Variants in UBTD1 observed in about 807,000 individuals in gnomAD.
UBTD1 encodes the protein ubiquitin domain containing 1, also known as ubiquitin domain-containing protein 1.
UBTD1 carries 19 observed loss-of-function variants against 21.7 expected under a neutral mutation model. The observed-to-expected ratio is 0.87, with a 90% CI of 0.61 to 1.28. The LOEUF is 1.28. Among genes scored for constraint, UBTD1 ranks in the 50% most tolerant of loss-of-function variants. The probability of loss-of-function intolerance (pLI) is 0.00; values close to 1 mark genes in which losing one functional copy is unlikely to be tolerated. For missense variants in UBTD1, 282 were observed against 315.1 expected (o/e 0.89, Z 0.80); for synonymous variants, 116 against 135.1 (o/e 0.86, Z 0.98).
chr10:97,541,046 G>A (rs1020822146), intron 1 of UBTD1, among the ~76,000 whole-genome samples: 5 of 152,180 alleles, frequency 3.3e-5, no homozygotes, highest in South Asian at 2.1e-4. Flanking sequence ...TCTGGAACAG[G>A]CAGCAGGCTG....
At chr10:97,545,813 C>T (rs921985028) in intron 1 of UBTD1, among the ~76,000 whole-genome samples, 12 of 152,334 alleles carry the variant, frequency 7.9e-5, no homozygotes, top group Non-Finnish European at 1.0e-4. Context: ...ACTATAATTA[C>T]TATTAACTTC....
At chr10:97,516,668 G>A (rs867662312) in intron 1 of UBTD1, among the ~76,000 whole-genome samples, 1 of 152,124 alleles carries the variant, frequency 6.6e-6, no homozygotes, top group South Asian at 2.1e-4. Flanking sequence ...CCAGCTACTC[G>A]GGAGGCTGAA....
intron 1 of UBTD1, among the ~76,000 whole-genome samples, chr10:97,505,403 G>C (rs1344655231): frequency 6.6e-6 from 1 of 152,218 alleles, no homozygotes; most frequent in Non-Finnish European, 1.5e-5. Context: ...ATTCAAAGGA[G>C]AGGAGGTCTA....
intron 1 of UBTD1, among the ~76,000 whole-genome samples, chr10:97,546,165 G>A (rs1370090284): frequency 6.6e-6 from 1 of 152,192 alleles, no homozygotes; most frequent in Admixed American, 6.5e-5. Context: ...CAGTTCAGGA[G>A]GTGCACAGAG....
At chr10:97,525,167 C>G (rs1278921976) in intron 1 of UBTD1, among the ~76,000 whole-genome samples, 1 of 152,230 alleles carries the variant, frequency 6.6e-6, no homozygotes, top group Non-Finnish European at 1.5e-5. Flanking sequence ...TATGCTGCAC[C>G]AACTTAGGGG....
intron 1 of UBTD1, among the ~76,000 whole-genome samples, chr10:97,517,455 G>A (rs1010734096): frequency 2.6e-5 from 4 of 152,130 alleles, no homozygotes; most frequent in Non-Finnish European, 4.4e-5. Context: ...TGGCCAAGTC[G>A]CCTCAGCTCC....
Position 97,506,141 on chromosome 10 carries a change from G to A in UBTD1, c.70+6868G>A, listed in dbSNP as rs141271804. Among the ~76,000 whole-genome samples, 21 of 152,300 alleles carry A rather than the reference G, an allele frequency of 1.4e-4. No homozygotes were observed. In the East Asian group the frequency reaches 3.9e-3, roughly 28 times the overall value. ...CTCCCAAAGAAGAGACCTGGGGTGGGGGAGGGACCTAGTGGTGGGCAGAGG... is the reference window on the plus strand; with the variant it reads ...CTCCCAAAGAAGAGACCTGGGGTGGAGGAGGGACCTAGTGGTGGGCAGAGG... On this transcript the variant is annotated intron_variant, in intron 1 of 2. Transcript: ENST00000370664.
At chr10:97,563,084 G>A (rs1052974461) in intron 1 of UBTD1, among the ~76,000 whole-genome samples, 1 of 152,128 alleles carries the variant, frequency 6.6e-6, no homozygotes, top group Non-Finnish European at 1.5e-5. Context: ...CGTATAGAAT[G>A]ATTAGTGATG....
intron 1 of UBTD1, among the ~76,000 whole-genome samples, chr10:97,530,465 A>G (rs2040523858): frequency 6.6e-6 from 1 of 152,250 alleles, no homozygotes; most frequent in South Asian, 2.1e-4. Flanking sequence ...AGCATACTTT[A>G]TAGTGCTCAG....
intron 1 of UBTD1, among the ~76,000 whole-genome samples, chr10:97,533,643 G>T (rs1313742642): frequency 6.6e-6 from 1 of 152,078 alleles, no homozygotes. Context: ...TTAAGCTCTG[G>T]GCTGGGTGTG....
chr10:97,514,942 TTTCA>T (rs1274644037), intron 1 of UBTD1, among the ~76,000 whole-genome samples: 16 of 152,230 alleles, frequency 1.1e-4, no homozygotes, highest in African/African-American at 3.9e-4. Context: ...CTGAGGTTTC[TTTCA>T]GAGAGTCTGG....
chr10:97,555,579 C>A (rs999312469), intron 1 of UBTD1, among the ~76,000 whole-genome samples: 6 of 152,308 alleles, frequency 3.9e-5, no homozygotes, highest in Admixed American at 2.6e-4. Context: ...TCCCCAAATG[C>A]ACAATTTCTA....
Position 97,570,724 on chromosome 10 carries a change from T to A in UBTD1, c.*201T>A. 1 of 621,098 alleles carries A rather than the reference T, an allele frequency of 1.6e-6. No individual in the cohort carries two copies. The highest frequency in any genetic ancestry group is 2.7e-6 in the Non-Finnish European group (1 of 369,328). The allele number at this position is 621,098 out of a possible 1,614,324, so 38.5% of individuals were successfully genotyped here. ...GGGAGCAGGCAGCCACACACGGGCC[T>A]TGCAACCTTGTCAGAGAAAAGGCGA... is the stretch of plus-strand genomic sequence containing the variant. On this transcript the variant is annotated 3_prime_UTR_variant, in exon 3 of 3. Transcript: ENST00000370664. This position sits in a 1 kb window ranked among gnomAD's most constrained non-coding sequence, Gnocchi z 6.6.
intron 1 of UBTD1, among the ~76,000 whole-genome samples, chr10:97,540,517 A>T (rs2040582703): frequency 6.6e-6 from 1 of 152,238 alleles, no homozygotes; most frequent in Non-Finnish European, 1.5e-5. Context: ...TATGATAAGC[A>T]CTTAATAAAT....
At chr10:97,529,965 G>C (rs1296302873) in intron 1 of UBTD1, among the ~76,000 whole-genome samples, 1 of 152,188 alleles carries the variant, frequency 6.6e-6, no homozygotes, top group Non-Finnish European at 1.5e-5. Context: ...ACTCCAGCTT[G>C]TTCTTTGGTA....
chr10:97,508,874 A>T (rs2040409759), intron 1 of UBTD1, among the ~76,000 whole-genome samples: 2 of 152,214 alleles, frequency 1.3e-5, no homozygotes, highest in South Asian at 4.1e-4. Flanking sequence ...GAGAAACACA[A>T]GTAGAATGCA....
At chr10:97,503,450 C>T (rs2040386069) in intron 1 of UBTD1, among the ~76,000 whole-genome samples, 1 of 152,212 alleles carries the variant, frequency 6.6e-6, no homozygotes, top group South Asian at 2.1e-4. Context: ...GGTGGTAGAA[C>T]AGGCAAGTCT....
rs111838717 is a variant in UBTD1, at chr10:97,519,980, C to T, written c.70+20707C>T. Among the ~76,000 whole-genome samples the T allele has an allele frequency of 4.3e-3, 647 of 152,214 alleles. 6 individuals carry two copies. Among genetic ancestry groups the T allele is most frequent in the African/African-American group, 0.015 (613 of 41,504 alleles). ...GGCTTGGGGCAAGTGCACTAAACAC[C>T]ACTGGTTTACTAACTGGGACCTTGT... On this transcript the variant is annotated intron_variant, in intron 1 of 2. Coordinates refer to ENST00000370664, the MANE Select transcript of UBTD1 (RefSeq NM_024954.5).
intron 1 of UBTD1, among the ~76,000 whole-genome samples, chr10:97,536,008 T>TTC (rs1200462477): frequency 3.1e-3 from 60 of 19,516 alleles, no homozygotes; most frequent in African/African-American, 6.5e-3. Flanking sequence ...TATTATTATT[T>TTC]CGAGACAGAA....
Sources: allele counts gnomAD v4.1 joint callset (sites outside exome capture counted in the v4.1 genomes callset), GRCh38; gene constraint gnomAD v4.1.1; non-coding constraint Gnocchi (gnomAD v3.1); transcripts MANE v1.5; gene names NCBI Gene and HGNC (gene_info 2026-07-23, HGNC 2026-07-21).